FBN3: variants seen among roughly 807,000 people sequenced by gnomAD.
The protein encoded by FBN3 is fibrillin 3, also known as fibrillin-3.
Under a neutral mutation model 330.1 loss-of-function variants are expected in FBN3, and 234 were observed. The observed-to-expected ratio is 0.71, with a 90% CI of 0.64 to 0.79. The LOEUF is 0.79. FBN3 is among the 30% of genes least tolerant of loss of function. The probability of loss-of-function intolerance (pLI) is 0.00; values close to 1 mark genes in which losing one functional copy is unlikely to be tolerated. For synonymous variants in FBN3, 1,458 were observed against 1,517.3 expected (o/e 0.96, Z 0.91); for missense variants, 3,606 against 3,886.9 (o/e 0.93, Z 1.92).
In FBN3 at chr19:8,131,459, C is replaced by G; in HGVS notation, c.1990+95G>C. On this transcript the variant is annotated intron_variant, in intron 15 of 63. Transcript: ENST00000600128. This position sits in a 1 kb window ranked among gnomAD's most constrained non-coding sequence, Gnocchi z 4.5. Reference sequence around the variant, plus strand: ...TCAGCCTCTTTTTGGGAAGAGCCCCCACTCCATGGCAGCCATGACCCCCCA... The same window carrying G: ...TCAGCCTCTTTTTGGGAAGAGCCCCGACTCCATGGCAGCCATGACCCCCCA... The G allele has an allele frequency of 6.6e-7, 1 of 1,505,578 alleles. No individual in the cohort carries two copies. Among genetic ancestry groups the G allele is most frequent in the South Asian group, 1.3e-5 (1 of 79,330 alleles). The allele number at this position is 1,505,578 out of a possible 1,614,324, so 93.3% of individuals were successfully genotyped here.
rs2082779130 is a variant in FBN3 at position 8,119,117 on chromosome 19, C to T, written c.3212-95G>A. ...TGCTGGCTTCTCTCCGCCACCTCCCCAGCCCCCTTCACCCCAGCGGGAGCC... is the reference window on the plus strand; with the variant it reads ...TGCTGGCTTCTCTCCGCCACCTCCCTAGCCCCCTTCACCCCAGCGGGAGCC... On this transcript the variant is annotated intron_variant, in intron 25 of 63. Coordinates refer to ENST00000600128, the MANE Select transcript of FBN3 (RefSeq NM_032447.5). The T allele has an allele frequency of 3.6e-6, 5 of 1,399,440 alleles. No individual in the cohort carries two copies. In the South Asian group the frequency reaches 6.9e-5, roughly 19 times the overall value. 86.7% of individuals were successfully genotyped at this position (1,399,440 alleles called of 1,614,324 possible). A position where few individuals can be genotyped will look rare whatever the true frequency, so the allele number is the denominator to read the frequency against.
At position 8,142,070 on chromosome 19, in the gene FBN3, G is replaced by A. The variant is rs764971092; in HGVS notation, c.609C>T (p.Leu203=). Residue 203 remains leucine, a synonymous_variant, in exon 7 of 64, where the codon CTC becomes CTT. Transcript: ENST00000600128. ...CACAGCAAAGTGCCTTGGTGCACACGAGGCCCGTCAGCTGATGCTGGCACC... is the reference window on the plus strand; with the variant it reads ...CACAGCAAAGTGCCTTGGTGCACACAAGGCCCGTCAGCTGATGCTGGCACC... ...PEGCQHQLTG[L]VCTKALCCAT... is the part of the protein sequence containing the mutation. 22 of 1,613,856 alleles carry A rather than the reference G, an allele frequency of 1.4e-5. No individual in the cohort carries two copies. The highest frequency in any genetic ancestry group is 2.2e-5 in the East Asian group (1 of 44,884).
intron 56 of FBN3, among the ~76,000 whole-genome samples, chr19:8,084,557 G>C (rs2081890848): frequency 6.6e-6 from 1 of 151,746 alleles, no homozygotes; most frequent in Non-Finnish European, 1.5e-5. Context: ...AGATCCTTTG[G>C]GTCTGTTAAG....
At position 8,126,704 on chromosome 19, in the gene FBN3, G is replaced by A. The variant is rs1305036218; in HGVS notation, c.2416+9C>T. 2.5e-6 allele frequency: 4 copies of A among 1,582,208 alleles called. No homozygotes were observed. The highest frequency in any genetic ancestry group is 3.4e-6 in the Non-Finnish European group (4 of 1,162,142). On this transcript the variant is annotated intron_variant, in intron 19 of 63. Coordinates refer to ENST00000600128, the MANE Select transcript of FBN3 (RefSeq NM_032447.5). ...CTCTGGAACGCCGTCGGGCTCCGGG[G>A]CCGCTCACCTAGACAGAAGGTACCA...
intron 25 of FBN3, among the ~76,000 whole-genome samples, chr19:8,120,905 G>A (rs951527904): frequency 3.2e-4 from 48 of 152,238 alleles, no homozygotes; most frequent in African/African-American, 1.1e-3. Flanking sequence ...GGATGCATGT[G>A]AAATGCTCAT....
chr19:8,077,042 G>A (rs2081658366), intron 59 of FBN3, among the ~76,000 whole-genome samples: 1 of 152,206 alleles, frequency 6.6e-6, no homozygotes, highest in African/African-American at 2.4e-5. Context: ...GGGATTACAG[G>A]TGCAAACCAC....
chr19:8,081,563 C>T (rs985922383), intron 57 of FBN3, 83 bp from the exon 58 acceptor site: 1 of 1,403,166 alleles, frequency 7.1e-7, no homozygotes, highest in South Asian at 1.5e-5. Context: ...CTCCACCAGA[C>T]CCCGACCATC....
rs761619910 is a variant in FBN3 at position 8,075,429 on chromosome 19, C to G, written c.7454-18G>C. On this transcript the variant is annotated intron_variant, in intron 59 of 63. Transcript: ENST00000600128. ...ATCATTGTCTGCAGAGGAGAGAGAT[C>G]AGGCAGGGTTGCCTGCTGGTTAAGG... The G allele has an allele frequency of 6.2e-7, 1 of 1,604,576 alleles. No individual in the cohort carries two copies. Among genetic ancestry groups the G allele is most frequent in the East Asian group, 2.2e-5 (1 of 44,634 alleles).
intron 6 of FBN3, among the ~76,000 whole-genome samples, chr19:8,143,489 T>TTCC: frequency 7.9e-6 from 1 of 126,188 alleles, no homozygotes; most frequent in African/African-American, 3.3e-5. Context: ...CCTTTTTTCT[T>TTCC]TTCTTTTCTT....
chr19:8,087,993 G>T, intron 52 of FBN3, 46 bp from the exon 53 acceptor site: 1 of 1,614,040 alleles, frequency 6.2e-7, no homozygotes, highest in Non-Finnish European at 8.5e-7. Context: ...ACTGAGGGCG[G>T]GACCTCCACT....
chr19:8,145,832 G>C lies in FBN3; in HGVS notation c.445+11C>G. On this transcript the variant is annotated intron_variant, in intron 5 of 63. Coordinates refer to ENST00000600128, the MANE Select transcript of FBN3 (RefSeq NM_032447.5). The stretch of plus-strand genomic sequence containing the variant: ...GGTGTGCAAAGAGGGGAGTCCCATG[G>C]GGATACTCACGCTGCCCACACACGG... 6.5e-7 allele frequency: 1 copy of C among 1,547,360 alleles called. No homozygotes were observed. Among genetic ancestry groups the C allele is most frequent in the Non-Finnish European group, 8.7e-7 (1 of 1,143,724 alleles).
At chr19:8,114,748 CT>C (rs139927660) in intron 30 of FBN3, among the ~76,000 whole-genome samples, 10,858 of 145,782 alleles carry the variant, frequency 0.074, 510 homozygotes, top group Middle Eastern at 0.13. Context: ...TACTTATTTT[CT>C]TTTTTTTTTT....
intron 22 of FBN3, among the ~76,000 whole-genome samples, chr19:8,124,852 G>A (rs890368033): frequency 6.6e-6 from 1 of 152,272 alleles, no homozygotes; most frequent in Middle Eastern, 3.4e-3. Flanking sequence ...GATTTTTAGG[G>A]CAGAGAAACT....
intron 13 of FBN3, among the ~76,000 whole-genome samples, 171 bp downstream of exon 13, chr19:8,135,790 G>C (rs1163850781): frequency 6.6e-6 from 1 of 152,192 alleles, no homozygotes; most frequent in Non-Finnish European, 1.5e-5. Flanking sequence ...GAGAGTCAGG[G>C]TGGTCAGGGG....
chr19:8,146,322 G>A (rs1019186103), intron 3 of FBN3, 97 bp from the exon 4 acceptor site: 31 of 968,478 alleles, frequency 3.2e-5, no homozygotes, highest in African/African-American at 2.6e-4. Flanking sequence ...CTCAGTGGAC[G>A]CTGCTGGTCA....
chr19:8,111,882 C>T, intron 31 of FBN3, 95 bp downstream of exon 31: 1 of 1,341,572 alleles, frequency 7.5e-7, no homozygotes. Flanking sequence ...TGCAGACACT[C>T]CCGGATCCCA....
chr19:8,108,457 G>A (rs544709083), intron 36 of FBN3, among the ~76,000 whole-genome samples: 8 of 152,036 alleles, frequency 5.3e-5, no homozygotes, highest in South Asian at 2.1e-4. Context: ...GTGTGCATGC[G>A]TGTGTGTGTG....
chr19:8,141,056 G>A (rs574670775), intron 8 of FBN3, among the ~76,000 whole-genome samples: 31 of 151,686 alleles, frequency 2.0e-4, no homozygotes, highest in Admixed American at 7.2e-4. Flanking sequence ...TTATCCGGGC[G>A]TGGTAGCGGG....
At position 8,085,622 on chromosome 19, in the gene FBN3, G is replaced by T. The variant is rs375163531; in HGVS notation, c.6881-53C>A. On this transcript the variant is annotated intron_variant, in intron 55 of 63. Coordinates refer to ENST00000600128, the MANE Select transcript of FBN3 (RefSeq NM_032447.5). ...GTCACTCCAGGAGGCTGGTTTGGGG[G>T]CAAAGACTGAGCTTGCTTTGGGGCA... 1,333 of 1,389,250 alleles carry T rather than the reference G, an allele frequency of 9.6e-4. 37 individuals carry two copies. The South Asian group carries it at 0.019, about 19-fold the overall frequency. The allele number at this position is 1,389,250 out of a possible 1,614,324, so 86.1% of individuals were successfully genotyped here.
Sources: gnomAD v4.1 joint callset for allele counts (sites outside exome capture counted in the v4.1 genomes callset) on GRCh38, gnomAD v4.1.1 for gene constraint, Gnocchi (gnomAD v3.1) non-coding constraint, MANE v1.5 for transcripts, NCBI Gene and HGNC (gene_info 2026-07-23, HGNC 2026-07-21) for gene names.